Variants in AUTS2 observed in about 807,000 individuals in gnomAD.
AUTS2 encodes autism susceptibility gene 2 protein.
AUTS2 carries 17 observed loss-of-function variants against 112.4 expected under a neutral mutation model. That is an observed-to-expected ratio of 0.15 (90% CI 0.10 to 0.23). AUTS2 has a LOEUF of 0.23. Ranked by LOEUF, AUTS2 falls within the 10% of genes least tolerant of loss-of-function variation. The pLI is 1.00. For missense variants in AUTS2, 1,510 were observed against 1,701.6 expected (o/e 0.89, Z 1.98); for synonymous variants, 751 against 702.7 (o/e 1.07, Z -1.09).
intron 2 of AUTS2, among the ~76,000 whole-genome samples, chr7:70,004,169 T>C (rs1799402664): frequency 9.0e-6 from 1 of 110,666 alleles, no homozygotes; most frequent in Non-Finnish European, 1.7e-5. Flanking sequence ...TGAATATATA[T>C]AATATGAATG....
chr7:70,122,644 A>T (rs1424748651), intron 3 of AUTS2, among the ~76,000 whole-genome samples: 4 of 152,158 alleles, frequency 2.6e-5, no homozygotes, highest in Non-Finnish European at 5.9e-5. Flanking sequence ...ATTATGAAAA[A>T]AATTTGTGGG....
chr7:70,515,660 C>T (rs965514056), intron 5 of AUTS2, among the ~76,000 whole-genome samples: 1 of 152,122 alleles, frequency 6.6e-6, no homozygotes, highest in Admixed American at 6.5e-5. Flanking sequence ...TCACTTGTTC[C>T]CTTCATGCCA....
At chr7:69,779,846 A>C (rs1789072448) in intron 1 of AUTS2, among the ~76,000 whole-genome samples, 1 of 151,428 alleles carries the variant, frequency 6.6e-6, no homozygotes, top group Non-Finnish European at 1.5e-5. Context: ...GCTACCTGTG[A>C]CTTATTCTTT....
intron 5 of AUTS2, among the ~76,000 whole-genome samples, chr7:70,648,539 T>A (rs776708616): frequency 6.6e-6 from 1 of 152,210 alleles, no homozygotes; most frequent in Admixed American, 6.5e-5. Flanking sequence ...AGAAACACGA[T>A]ATAAAAACAA....
At chr7:70,157,257 C>T (rs1463101553) in intron 4 of AUTS2, among the ~76,000 whole-genome samples, 1 of 151,752 alleles carries the variant, frequency 6.6e-6, no homozygotes, top group African/African-American at 2.4e-5. Flanking sequence ...TGGTATTTTT[C>T]TTTGTATGCT....
At chr7:70,243,662 T>G (rs1336310846) in intron 4 of AUTS2, among the ~76,000 whole-genome samples, 10 of 152,136 alleles carry the variant, frequency 6.6e-5, no homozygotes, top group Admixed American at 4.6e-4. Flanking sequence ...CCCAAAGTAG[T>G]GACACATGGC....
chr7:69,721,925 G>T (rs780781311), intron 1 of AUTS2, among the ~76,000 whole-genome samples: 22 of 152,046 alleles, frequency 1.4e-4, no homozygotes, highest in Non-Finnish European at 3.1e-4. Context: ...TGAGAGGTAG[G>T]GTTGGGGAGG....
intron 4 of AUTS2, among the ~76,000 whole-genome samples, chr7:70,137,014 C>CT (rs1172219704): frequency 2.0e-5 from 3 of 152,176 alleles, no homozygotes; most frequent in African/African-American, 7.2e-5. Context: ...GTATATTTTA[C>CT]TTTCAGTTCT....
At chr7:70,342,229 TTAAG>T (rs1416233390) in intron 4 of AUTS2, among the ~76,000 whole-genome samples, 35 of 152,204 alleles carry the variant, frequency 2.3e-4, no homozygotes, top group African/African-American at 8.0e-4. Context: ...TTCACATTTC[TTAAG>T]TAAGCCAACT....
At chr7:69,773,413 C>T (rs210599) in intron 1 of AUTS2, among the ~76,000 whole-genome samples, 2 of 147,084 alleles carry the variant, frequency 1.4e-5, no homozygotes, top group African/African-American at 2.5e-5. Context: ...GTCTCATACA[C>T]GGTGCTACAA....
intron 1 of AUTS2, among the ~76,000 whole-genome samples, chr7:69,648,095 C>G (rs954902801): frequency 6.6e-6 from 1 of 152,140 alleles, no homozygotes. Flanking sequence ...ACGTATATTT[C>G]TGAGGGGACA....
intron 2 of AUTS2, among the ~76,000 whole-genome samples, chr7:70,001,579 A>G (rs1158928816): frequency 3.9e-5 from 6 of 152,150 alleles, no homozygotes; most frequent in Non-Finnish European, 8.8e-5. Context: ...CTCTAACTAA[A>G]TGGGAAAGTA....
chr7:69,880,140 C>G (rs1297410958), intron 1 of AUTS2, among the ~76,000 whole-genome samples: 1 of 152,110 alleles, frequency 6.6e-6, no homozygotes, highest in Non-Finnish European at 1.5e-5. Flanking sequence ...GAAGCAGGCA[C>G]ATCTTACGTG....
intron 4 of AUTS2, among the ~76,000 whole-genome samples, chr7:70,321,756 T>C (rs10255669): frequency 0.063 from 9,639 of 152,290 alleles, 364 homozygotes; most frequent in Middle Eastern, 0.13. Context: ...CTGACACATA[T>C]TCATTAAACA....
chr7:70,360,156 C>T (rs1161685432), intron 4 of AUTS2, among the ~76,000 whole-genome samples: 2 of 152,146 alleles, frequency 1.3e-5, no homozygotes. Flanking sequence ...GAAAAACAGT[C>T]TCACTCTGTC....
chr7:70,697,519 A>T (rs955145198), intron 5 of AUTS2, among the ~76,000 whole-genome samples: 2 of 151,934 alleles, frequency 1.3e-5, no homozygotes, highest in Non-Finnish European at 2.9e-5. Flanking sequence ...CTTTGTCCCT[A>T]AAAGCTAGCC....
chr7:69,927,203 T>TATAC (rs1282662173), intron 2 of AUTS2, among the ~76,000 whole-genome samples: 1 of 147,726 alleles, frequency 6.8e-6, no homozygotes, highest in Non-Finnish European at 1.5e-5. Context: ...TATATATATA[T>TATAC]ATACATACTA....
chr7:70,285,501 A>G (rs1363963678), intron 4 of AUTS2, among the ~76,000 whole-genome samples: 1 of 152,238 alleles, frequency 6.6e-6, no homozygotes, highest in Non-Finnish European at 1.5e-5. Flanking sequence ...TTTGGAAATC[A>G]GGAGCAATGT....
At chr7:70,689,545 G>A (rs1808641031) in intron 5 of AUTS2, among the ~76,000 whole-genome samples, 2 of 152,050 alleles carry the variant, frequency 1.3e-5, no homozygotes, top group Non-Finnish European at 2.9e-5. Context: ...GGGAGGCTGA[G>A]GCGGGCAGAT....
Sources: allele counts gnomAD v4.1 joint callset (sites outside exome capture counted in the v4.1 genomes callset), GRCh38; gene constraint gnomAD v4.1.1; transcripts MANE v1.5; gene names NCBI Gene and HGNC (gene_info 2026-07-23, HGNC 2026-07-21).